NSD1: variants seen among roughly 807,000 people sequenced by gnomAD.
NSD1 encodes the protein histone-lysine N-methyltransferase, H3 lysine-36 specific.
Under a neutral mutation model 242.7 loss-of-function variants are expected in NSD1, and 26 were observed. The ratio of observed to expected loss-of-function variants is 0.11; its 90% CI spans 0.08 to 0.15. The LOEUF (loss-of-function observed/expected upper bound fraction) is 0.15. Ranked by LOEUF, NSD1 falls within the 10% of genes least tolerant of loss-of-function variation. The pLI is 1.00. For synonymous variants in NSD1, 1,106 were observed against 1,178.1 expected, an observed-to-expected ratio of 0.94 and a Z score of 1.25; for missense variants, 2,495 against 3,272.8, an observed-to-expected ratio of 0.76 and a Z score of 5.80.
chr5:177,176,253 G>C (rs914754986), intron 2 of NSD1, among the ~76,000 whole-genome samples: 1 of 151,134 alleles, frequency 6.6e-6, no homozygotes. Context: ...CTAAATATTC[G>C]ATTCTTCTTC....
At chr5:177,235,714 T>C in intron 5 of NSD1, 107 bp from the exon 6 acceptor site, 2 of 1,422,520 alleles carry the variant, frequency 1.4e-6, no homozygotes, top group East Asian at 2.3e-5. Context: ...TATTTTACTA[T>C]GTGGTTTCCC....
intron 2 of NSD1, among the ~76,000 whole-genome samples, chr5:177,144,651 A>T (rs1469165967): frequency 6.6e-6 from 1 of 152,052 alleles, no homozygotes; most frequent in Admixed American, 6.6e-5. Context: ...TTTTCAGGGG[A>T]GCCCATTGAA....
intron 2 of NSD1, among the ~76,000 whole-genome samples, chr5:177,141,098 C>T (rs1038190580): frequency 1.3e-5 from 2 of 152,036 alleles, no homozygotes; most frequent in Admixed American, 6.6e-5. Context: ...TCTCGGCTCA[C>T]TGCAACCTCT....
At chr5:177,259,909 A>G in intron 13 of NSD1, 80 bp from the exon 14 acceptor site, 5 of 1,502,194 alleles carry the variant, frequency 3.3e-6, no homozygotes, top group Non-Finnish European at 4.6e-6. Flanking sequence ...GTGCTAACAA[A>G]TAGACTTGAA....
At chr5:177,204,773 G>C (rs1205249762) in intron 4 of NSD1, among the ~76,000 whole-genome samples, 1 of 151,760 alleles carries the variant, frequency 6.6e-6, no homozygotes, top group African/African-American at 2.4e-5. Context: ...GCAGATGCAG[G>C]TGGGTTTTTT....
chr5:177,220,152 C>T (rs1043876028), intron 5 of NSD1, among the ~76,000 whole-genome samples: 17 of 152,108 alleles, frequency 1.1e-4, no homozygotes, highest in Non-Finnish European at 2.2e-4. Context: ...ATTAAAATCT[C>T]CTTGTGTTAC....
chr5:177,236,079 A>T, intron 6 of NSD1, 134 bp downstream of exon 6: 1 of 921,926 alleles, frequency 1.1e-6, no homozygotes, highest in South Asian at 1.4e-5. Context: ...AGCTTCTAGC[A>T]CAGTACTTAG....
At chr5:177,167,841 C>G (rs1759340947) in intron 2 of NSD1, among the ~76,000 whole-genome samples, 1 of 152,148 alleles carries the variant, frequency 6.6e-6, no homozygotes, top group South Asian at 2.1e-4. Context: ...ATGGGTTAAT[C>G]AGGATGTAAC....
At chr5:177,266,264 T>G (rs181719925) in intron 14 of NSD1, 2 of 758,338 alleles carry the variant, frequency 2.6e-6, no homozygotes, top group Non-Finnish European at 4.9e-6. Flanking sequence ...CACCTTCCCC[T>G]TGGTGATGGT....
At chr5:177,215,746 G>T (rs1374271306) in intron 5 of NSD1, among the ~76,000 whole-genome samples, 1 of 152,046 alleles carries the variant, frequency 6.6e-6, no homozygotes, top group African/African-American at 2.4e-5. Flanking sequence ...TCCTGCTTCG[G>T]CCTCCCAAAG....
At chr5:177,252,533 A>G (rs1756056836) in intron 12 of NSD1, among the ~76,000 whole-genome samples, 1 of 139,570 alleles carries the variant, frequency 7.2e-6, no homozygotes, top group South Asian at 2.2e-4. Flanking sequence ...GCTAAAGTAA[A>G]GTGTTCTTTT....
chr5:177,184,035 T>C (rs1760905571), intron 2 of NSD1, among the ~76,000 whole-genome samples: 1 of 152,210 alleles, frequency 6.6e-6, no homozygotes, highest in Non-Finnish European at 1.5e-5. Context: ...TATTTATTCA[T>C]CTGTTGAACA....
chr5:177,267,506 C>T (rs551914204), intron 14 of NSD1, 56 bp from the exon 15 acceptor site: 5 of 1,431,174 alleles, frequency 3.5e-6, no homozygotes, highest in Non-Finnish European at 4.9e-6. Context: ...TATGGATGTA[C>T]ACATACATGA....
rs1457418627 is a variant in NSD1 at position 177,257,841 on chromosome 5, T to A, written c.4966+690T>A. Among the ~76,000 whole-genome samples, 289 of 149,110 alleles carry A rather than the reference T, an allele frequency of 1.9e-3. 2 individuals carry two copies. The highest frequency in any genetic ancestry group is 6.8e-3 in the African/African-American group (277 of 40,728). ...TTTTTTATTTTATTTTATTTTATTT[T>A]ATTTTTTTTTGAGACGGAGTCTTGC... On this transcript the variant is annotated intron_variant, in intron 13 of 22. Coordinates refer to ENST00000439151, the MANE Select transcript of NSD1 (RefSeq NM_022455.5).
chr5:177,157,611 A>C lies in NSD1; in HGVS notation c.927+21581A>C, dbSNP rs551798984. Among the ~76,000 whole-genome samples the C allele has an allele frequency of 2.6e-3, 400 of 152,264 alleles. 1 individual carries two copies. The highest frequency in any genetic ancestry group is 9.3e-3 in the African/African-American group (387 of 41,562). On this transcript the variant is annotated intron_variant, in intron 2 of 22. Coordinates refer to ENST00000439151, the MANE Select transcript of NSD1 (RefSeq NM_022455.5). ...TACTCAGGACGCTGAGTCTGCACTC[A>C]GTCCCTGGGCTACAGGGTGAAACTG... is the stretch of plus-strand genomic sequence containing the variant.
intron 5 of NSD1, among the ~76,000 whole-genome samples, chr5:177,214,791 G>A (rs531626548): frequency 4.4e-4 from 66 of 150,978 alleles, no homozygotes; most frequent in Admixed American, 1.6e-3. Flanking sequence ...CCTCTGCCTC[G>A]TGGGTTCAAG....
chr5:177,137,074 G>A, intron 2 of NSD1: 1 of 426,082 alleles, frequency 2.3e-6, no homozygotes, highest in Non-Finnish European at 4.2e-6. Context: ...TATTGTTAGA[G>A]GGTGATAAAT....
chr5:177,141,268 C>T (rs1292287402), intron 2 of NSD1, among the ~76,000 whole-genome samples: 1 of 150,482 alleles, frequency 6.6e-6, no homozygotes, highest in East Asian at 2.0e-4. Context: ...GATCCACCCG[C>T]CTTGGCCTCC....
At chr5:177,139,651 G>C (rs1422672684) in intron 2 of NSD1, among the ~76,000 whole-genome samples, 4 of 152,086 alleles carry the variant, frequency 2.6e-5, no homozygotes, top group Non-Finnish European at 5.9e-5. Context: ...ATTGCTATTT[G>C]TCTCTTTTTG....
Sources: allele counts gnomAD v4.1 joint callset (sites outside exome capture counted in the v4.1 genomes callset), GRCh38; gene constraint gnomAD v4.1.1; transcripts MANE v1.5; gene names NCBI Gene and HGNC (gene_info 2026-07-23, HGNC 2026-07-21).